The following NAALADL2 variants were observed in gnomAD, a reference collection of about 807,000 sequenced individuals.
The protein encoded by NAALADL2 is N-acetylated alpha-linked acidic dipeptidase like 2.
In NAALADL2, 76 loss-of-function variants were observed where a neutral mutation model predicts 87.2. The observed-to-expected ratio is 0.87, with a 90% confidence interval of 0.72 to 1.05. The LOEUF (loss-of-function observed/expected upper bound fraction) is 1.05. NAALADL2 is among the 50% of genes least tolerant of loss of function. The pLI, the probability that NAALADL2 is intolerant of heterozygous loss-of-function variation, is 0.00. For synonymous variants in NAALADL2, 354 were observed against 331.0 expected (o/e 1.07, Z -0.75); for missense variants, 1,089 against 945.8 (o/e 1.15, Z -1.99).
intron 5 of NAALADL2, among the ~76,000 whole-genome samples, chr3:175,384,250 T>C (rs2148995419): frequency 6.6e-6 from 1 of 152,162 alleles, no homozygotes; most frequent in African/African-American, 2.4e-5. Flanking sequence ...CATTATCTTA[T>C]TGACTATAAT....
intron 2 of NAALADL2, among the ~76,000 whole-genome samples, chr3:174,661,936 A>G (rs1003495221): frequency 6.6e-6 from 1 of 152,152 alleles, no homozygotes; most frequent in African/African-American, 2.4e-5. Flanking sequence ...ATAGAAAGCA[A>G]AATACTGCAT....
chr3:174,690,442 A>G (rs576640286), intron 2 of NAALADL2, among the ~76,000 whole-genome samples: 2 of 152,294 alleles, frequency 1.3e-5, no homozygotes, highest in East Asian at 1.9e-4. Flanking sequence ...CATATCTTAA[A>G]TTGTAGGTGG....
chr3:175,802,059 T>C (rs953415361), intron 13 of NAALADL2, among the ~76,000 whole-genome samples: 1 of 152,154 alleles, frequency 6.6e-6, no homozygotes, highest in African/African-American at 2.4e-5. Context: ...ATACTGTCTG[T>C]AGCTCCACTC....
Position 174,811,690 on chromosome 3 carries a change from T to C in NAALADL2, c.-9+73944T>C, listed in dbSNP as rs144174134. The stretch of plus-strand genomic sequence containing the variant: ...TTAATGCTAGAATGAGTTAAGACTT[T>C]GGGGACTGTTAAGAAGGGATGATTG... On this transcript the variant is annotated intron_variant, in intron 3 of 3. Transcript: ENST00000434257. 2.5e-3 allele frequency among the ~76,000 whole-genome samples: 375 copies of C among 152,254 alleles called. 2 individuals carry two copies. Among genetic ancestry groups the C allele is most frequent in the African/African-American group, 8.4e-3 (350 of 41,550 alleles).
chr3:175,172,573 A>C (rs1249315294), intron 2 of NAALADL2, among the ~76,000 whole-genome samples: 2 of 152,178 alleles, frequency 1.3e-5, no homozygotes, highest in African/African-American at 4.8e-5. Flanking sequence ...GTAAAGAAAT[A>C]TTGAAATCTG....
chr3:175,775,358 A>T (rs1158759533), intron 13 of NAALADL2, among the ~76,000 whole-genome samples: 8 of 152,132 alleles, frequency 5.3e-5, no homozygotes, highest in Non-Finnish European at 1.2e-4. Flanking sequence ...TCCTTGAATA[A>T]TATTATTTTC....
At chr3:175,476,118 CT>C (rs1184455808) in intron 9 of NAALADL2, among the ~76,000 whole-genome samples, 1 of 152,118 alleles carries the variant, frequency 6.6e-6, no homozygotes, top group South Asian at 2.1e-4. Flanking sequence ...TCCTGTTTTA[CT>C]TTTTTTATAT....
At chr3:174,471,037 G>A (rs1716863083) in intron 1 of NAALADL2, among the ~76,000 whole-genome samples, 1 of 151,906 alleles carries the variant, frequency 6.6e-6, no homozygotes, top group East Asian at 1.9e-4. Context: ...GTAGGTCAAA[G>A]GGCAGGTATA....
chr3:174,703,283 G>C (rs1217376846), intron 2 of NAALADL2, among the ~76,000 whole-genome samples: 1 of 150,848 alleles, frequency 6.6e-6, no homozygotes. Flanking sequence ...AGGATGACAG[G>C]CACATGCTAC....
intron 6 of NAALADL2, among the ~76,000 whole-genome samples, chr3:175,459,086 T>G (rs1391631460): frequency 6.6e-6 from 1 of 151,956 alleles, no homozygotes; most frequent in Non-Finnish European, 1.5e-5. Flanking sequence ...CCAAAATAAC[T>G]AGATCCTGAG....
intron 10 of NAALADL2, among the ~76,000 whole-genome samples, chr3:175,602,522 CA>C (rs1197645043): frequency 6.6e-6 from 1 of 151,800 alleles, no homozygotes; most frequent in Non-Finnish European, 1.5e-5. Flanking sequence ...TCAACACACA[CA>C]CATTATTTTT....
Position 175,588,348 on chromosome 3 carries a change from TAC to T in NAALADL2, c.1800+12162_1800+12163del, listed in dbSNP as rs550559919. Among the ~76,000 whole-genome samples the T allele has an allele frequency of 1.9e-3, 284 of 152,118 alleles. 1 individual carries two copies. Among genetic ancestry groups the T allele is most frequent in the Non-Finnish European group, 3.2e-3 (217 of 67,996 alleles). The stretch of plus-strand genomic sequence containing the variant: ...GTGGTTGTGACCAGAACCTGTGAGG[TAC>T]TCAATACAGCAAACCATTCCCAGGA... On this transcript the variant is annotated intron_variant, in intron 10 of 13. Transcript: ENST00000454872.
chr3:175,776,016 A>G (rs1031545021), intron 13 of NAALADL2, among the ~76,000 whole-genome samples: 2 of 151,964 alleles, frequency 1.3e-5, no homozygotes, highest in African/African-American at 4.8e-5. Context: ...CTAAGAGTAA[A>G]AGCGATTTTT....
At chr3:175,017,023 T>A (rs1212802601) in intron 1 of NAALADL2, among the ~76,000 whole-genome samples, 1 of 152,110 alleles carries the variant, frequency 6.6e-6, no homozygotes, top group Non-Finnish European at 1.5e-5. Flanking sequence ...TTCTTCCATC[T>A]ACCTGCGTTT....
chr3:174,972,857 G>A (rs1045241150), intron 1 of NAALADL2, among the ~76,000 whole-genome samples: 13 of 152,004 alleles, frequency 8.6e-5, no homozygotes, highest in African/African-American at 2.9e-4. Context: ...TTAGCCAGGC[G>A]TGGTGATGCA....
chr3:175,465,473 C>CTTTTTTTTTTTTTTTTTTTTTTTTTTTT lies in NAALADL2; in HGVS notation c.1328-1487_1328-1486insTTTTTTTTTTTTTTTTTTTTTTTTTTTT, dbSNP rs71164634. ...ACACTATGTATACCATGAATTAAAT[C>CTTTTTTTTTTTTTTTTTTTTTTTTTTTT]TTTTTTTTTTTTTTTTTTTGAGATG... On this transcript the variant is annotated intron_variant, in intron 7 of 13. Coordinates refer to ENST00000454872, the MANE Select transcript of NAALADL2 (RefSeq NM_207015.3). 2.9e-4 allele frequency among the ~76,000 whole-genome samples: 31 copies of CTTTTTTTTTTTTTTTTTTTTTTTTTTTT among 106,734 alleles called. No individual in the cohort carries two copies. In the East Asian group the frequency reaches 3.0e-3, roughly 10 times the overall value. The allele number at this position is 106,734 out of a possible 152,430, so 70.0% of individuals were successfully genotyped here. A position where few individuals can be genotyped will look rare whatever the true frequency, so the allele number is the denominator to read the frequency against.
At chr3:174,509,404 CTTT>C (rs34028719) in intron 1 of NAALADL2, among the ~76,000 whole-genome samples, 4 of 106,938 alleles carry the variant, frequency 3.7e-5, no homozygotes, top group East Asian at 2.5e-4. Flanking sequence ...TCCTTTCTTT[CTTT>C]TTTTTTTTTT....
intron 11 of NAALADL2, among the ~76,000 whole-genome samples, chr3:175,711,942 C>G (rs1740581502): frequency 6.6e-6 from 1 of 151,862 alleles, no homozygotes; most frequent in Non-Finnish European, 1.5e-5. Context: ...ATCCAAGTGT[C>G]TTTCATTATA....
intron 9 of NAALADL2, among the ~76,000 whole-genome samples, chr3:175,537,644 G>A (rs1711523348): frequency 6.6e-6 from 1 of 152,136 alleles, no homozygotes. Flanking sequence ...AGAACCCTCT[G>A]CTGCCAGCTT....
Sources: gnomAD v4.1 joint callset for allele counts (sites outside exome capture counted in the v4.1 genomes callset) on GRCh38, gnomAD v4.1.1 for gene constraint, MANE v1.5 for transcripts, NCBI Gene and HGNC (gene_info 2026-07-23, HGNC 2026-07-21) for gene names.